The following POU6F2 variants were observed in gnomAD, a reference collection of about 807,000 sequenced individuals.
POU6F2 encodes the protein POU class 6 homeobox 2.
In POU6F2, 31 loss-of-function variants were observed where a neutral mutation model predicts 71.3. The observed-to-expected ratio is 0.43, with a 90% confidence interval of 0.33 to 0.59. The LOEUF is 0.59. POU6F2 is among the 20% of genes least tolerant of loss of function. The pLI is 0.04. For synonymous variants in POU6F2, 347 were observed against 355.7 expected, an observed-to-expected ratio of 0.98 and a Z score of 0.27; for missense variants, 783 against 856.8, an observed-to-expected ratio of 0.91 and a Z score of 1.07.
At chr7:39,117,896 A>C (rs1791966331) in intron 2 of POU6F2, among the ~76,000 whole-genome samples, 2 of 152,174 alleles carry the variant, frequency 1.3e-5, no homozygotes, top group Admixed American at 1.3e-4. Flanking sequence ...CACCCAGCCC[A>C]GCATAGGAAA....
chr7:39,042,991 A>G (rs941349941), intron 1 of POU6F2, among the ~76,000 whole-genome samples: 3 of 151,942 alleles, frequency 2.0e-5, no homozygotes, highest in Non-Finnish European at 2.9e-5. Context: ...TGGCAATTTG[A>G]TCCTCACTGG....
intron 1 of POU6F2, among the ~76,000 whole-genome samples, chr7:39,026,465 T>C (rs542814501): frequency 0.011 from 1,611 of 152,028 alleles, 32 homozygotes; most frequent in African/African-American, 0.036. Flanking sequence ...ATGGATGAAA[T>C]TGGAAATCAT....
intron 4 of POU6F2, among the ~76,000 whole-genome samples, chr7:39,309,109 G>A (rs115890835): frequency 0.022 from 3,348 of 152,274 alleles, 130 homozygotes; most frequent in African/African-American, 0.075. Flanking sequence ...TAAAAATAAG[G>A]CACTCCTGGT....
chr7:39,457,836 A>C (rs1464813281), intron 8 of POU6F2, among the ~76,000 whole-genome samples: 1 of 152,016 alleles, frequency 6.6e-6, no homozygotes, highest in Non-Finnish European at 1.5e-5. Context: ...CCCTTGCAAG[A>C]CTGCCAAACC....
At chr7:39,387,863 TC>T (rs1250994735) in intron 5 of POU6F2, among the ~76,000 whole-genome samples, 1 of 152,128 alleles carries the variant, frequency 6.6e-6, no homozygotes, top group East Asian at 1.9e-4. Flanking sequence ...AAAGTGCACA[TC>T]TAACATGTTC....
chr7:39,407,201 A>G (rs1439045254), intron 6 of POU6F2, among the ~76,000 whole-genome samples: 2 of 151,956 alleles, frequency 1.3e-5, no homozygotes, highest in African/African-American at 4.8e-5. Flanking sequence ...TTTTGAATGT[A>G]TGGGAAGGTG....
chr7:39,415,460 G>GCAA (rs1289777154), intron 6 of POU6F2, among the ~76,000 whole-genome samples: 1 of 152,296 alleles, frequency 6.6e-6, no homozygotes, highest in African/African-American at 2.4e-5. Context: ...AACTAATGAA[G>GCAA]CAACCTAAAT....
chr7:39,039,815 G>A (rs192782455), intron 1 of POU6F2, among the ~76,000 whole-genome samples: 1 of 151,022 alleles, frequency 6.6e-6, no homozygotes, highest in East Asian at 2.0e-4. Flanking sequence ...GTTAGGTGGA[G>A]AGTGCATTTG....
intron 2 of POU6F2, among the ~76,000 whole-genome samples, chr7:39,134,907 C>T (rs547131299): frequency 6.7e-4 from 102 of 152,114 alleles, no homozygotes; most frequent in African/African-American, 2.1e-3. Context: ...AAGGCAAGTT[C>T]ATAATTTTGT....
chr7:39,191,187 G>C (rs988452441), intron 2 of POU6F2, among the ~76,000 whole-genome samples: 10 of 152,090 alleles, frequency 6.6e-5, no homozygotes, highest in African/African-American at 2.4e-4. Context: ...GGAAGATTTG[G>C]GGATGCAAAT....
chr7:39,386,171 C>T (rs1038167961), intron 5 of POU6F2, among the ~76,000 whole-genome samples: 1 of 151,730 alleles, frequency 6.6e-6, no homozygotes, highest in Non-Finnish European at 1.5e-5. Context: ...ACCATTCTGG[C>T]TCCAAAGCTT....
intron 4 of POU6F2, among the ~76,000 whole-genome samples, chr7:39,218,788 AGAG>A (rs1210126588): frequency 6.6e-6 from 1 of 152,108 alleles, no homozygotes; most frequent in Non-Finnish European, 1.5e-5. Flanking sequence ...GAGGAAAGAG[AGAG>A]GAGATCCCTA....
At chr7:39,055,271 A>G (rs992689271) in intron 1 of POU6F2, among the ~76,000 whole-genome samples, 1 of 152,142 alleles carries the variant, frequency 6.6e-6, no homozygotes, top group African/African-American at 2.4e-5. Context: ...TATGATTTGT[A>G]TGTCATCTTT....
At chr7:39,141,815 C>T (rs1170095303) in intron 2 of POU6F2, among the ~76,000 whole-genome samples, 7 of 152,112 alleles carry the variant, frequency 4.6e-5, no homozygotes, top group African/African-American at 1.2e-4. Flanking sequence ...AGACCGGGCA[C>T]GGTGGCTCAT....
intron 5 of POU6F2, among the ~76,000 whole-genome samples, chr7:39,396,006 A>G (rs900090021): frequency 6.6e-6 from 1 of 152,242 alleles, no homozygotes; most frequent in African/African-American, 2.4e-5. Context: ...TGCCATGACA[A>G]TAGGCAATTG....
chr7:39,087,168 A>G (rs1170673558), intron 2 of POU6F2, among the ~76,000 whole-genome samples: 1 of 108,086 alleles, frequency 9.3e-6, no homozygotes, highest in Non-Finnish European at 2.0e-5. Context: ...TAATTTATTT[A>G]TTTATTTATT....
chr7:39,150,843 C>G (rs1007476406), intron 2 of POU6F2, among the ~76,000 whole-genome samples: 1 of 151,794 alleles, frequency 6.6e-6, no homozygotes, highest in South Asian at 2.1e-4. Context: ...AATCTTTTGA[C>G]TTTTTGATAA....
At chr7:39,080,820 T>G (rs1301523482) in intron 1 of POU6F2, among the ~76,000 whole-genome samples, 2 of 152,254 alleles carry the variant, frequency 1.3e-5, no homozygotes, top group African/African-American at 2.4e-5. Flanking sequence ...GCTGAGTTAA[T>G]TATCTCGCTA....
At chr7:39,436,285 C>T (rs10237961) in intron 7 of POU6F2, among the ~76,000 whole-genome samples, 51,130 of 151,750 alleles carry the variant, frequency 0.34, 9,610 homozygotes, top group East Asian at 0.58. Flanking sequence ...TGTTTGTGTC[C>T]TCTCTTATTT....
Sources: gnomAD v4.1 joint callset for allele counts (sites outside exome capture counted in the v4.1 genomes callset) on GRCh38, gnomAD v4.1.1 for gene constraint, MANE v1.5 for transcripts, NCBI Gene and HGNC (gene_info 2026-07-23, HGNC 2026-07-21) for gene names.